Variants in PCDH15 observed in about 807,000 individuals in gnomAD.
The protein encoded by PCDH15 is protocadherin related 15.
A neutral mutation model predicts 178.5 loss-of-function variants in PCDH15; 129 were observed. That is an observed-to-expected ratio of 0.72 (90% CI 0.63 to 0.84). The LOEUF (loss-of-function observed/expected upper bound fraction) is 0.84. Ranked by LOEUF, PCDH15 falls within the 40% of genes least tolerant of loss-of-function variation. The probability of loss-of-function intolerance (pLI) is 0.00; values close to 1 mark genes in which losing one functional copy is unlikely to be tolerated. For missense variants in PCDH15, 2,230 were observed against 2,099.9 expected, an observed-to-expected ratio of 1.06 and a Z score of -1.21; for synonymous variants, 800 against 732.0, an observed-to-expected ratio of 1.09 and a Z score of -1.50.
chr10:54,589,057 T>G (rs2133906338), intron 2 of PCDH15, among the ~76,000 whole-genome samples: 1 of 152,326 alleles, frequency 6.6e-6, no homozygotes, highest in African/African-American at 2.4e-5. Context: ...TTTTTGCTTT[T>G]TTTTAAGGAG....
chr10:54,336,501 T>C (rs113169437), intron 6 of PCDH15, among the ~76,000 whole-genome samples: 31 of 152,252 alleles, frequency 2.0e-4, no homozygotes, highest in African/African-American at 7.5e-4. Flanking sequence ...GCTCCAGCCA[T>C]GGCTATAAGG....
chr10:53,980,526 T>C lies in PCDH15; in HGVS notation c.2868+15123A>G, dbSNP rs189407594. Among the ~76,000 whole-genome samples the C allele has an allele frequency of 1.2e-3, 190 of 152,280 alleles. 1 individual carries two copies. Among genetic ancestry groups the C allele is most frequent in the African/African-American group, 4.4e-3 (184 of 41,560 alleles). ...TTACAGTTGATGAGGATGTAAGCAC[T>C]GTACCAAACTAGATGCAAAGTTGTG... On this transcript the variant is annotated intron_variant, in intron 21 of 37. Coordinates refer to ENST00000644397, the MANE Select transcript of PCDH15 (RefSeq NM_001384140.1).
intron 2 of PCDH15, among the ~76,000 whole-genome samples, chr10:55,098,969 C>T (rs1432646630): frequency 6.9e-6 from 1 of 145,432 alleles, no homozygotes; most frequent in East Asian, 2.0e-4. Context: ...CCTATTAAAC[C>T]TCTGCTCCTA....
At chr10:54,259,390 T>G (rs2057152034) in intron 8 of PCDH15, among the ~76,000 whole-genome samples, 1 of 152,068 alleles carries the variant, frequency 6.6e-6, no homozygotes, top group Admixed American at 6.5e-5. Context: ...GGTGGCAGTA[T>G]AAAACAGTCT....
chr10:54,875,393 T>C (rs550863723), intron 3 of PCDH15, among the ~76,000 whole-genome samples: 93 of 152,240 alleles, frequency 6.1e-4, no homozygotes, highest in African/African-American at 2.1e-3. Flanking sequence ...GGCCAGTTAA[T>C]TACCTTACAG....
chr10:55,285,677 T>C (rs939449279), intron 1 of PCDH15, among the ~76,000 whole-genome samples: 2 of 151,788 alleles, frequency 1.3e-5, no homozygotes, highest in African/African-American at 2.4e-5. Context: ...ATATGAAACG[T>C]AAGTTCTCAA....
intron 2 of PCDH15, among the ~76,000 whole-genome samples, chr10:55,590,411 A>G (rs1311481608): frequency 6.6e-6 from 1 of 151,950 alleles, no homozygotes; most frequent in African/African-American, 2.4e-5. Context: ...ATGTATACAT[A>G]TGTAACTAAC....
At chr10:55,446,311 G>GTATATA (rs144192137) in intron 2 of PCDH15, among the ~76,000 whole-genome samples, 4,582 of 149,126 alleles carry the variant, frequency 0.031, 86 homozygotes, top group East Asian at 0.048. Context: ...ATAGATATGT[G>GTATATA]TATATATATA....
intron 2 of PCDH15, among the ~76,000 whole-genome samples, chr10:54,943,106 T>A (rs1838104380): frequency 6.6e-6 from 1 of 152,034 alleles, no homozygotes; most frequent in South Asian, 2.1e-4. Flanking sequence ...CATTTATTTA[T>A]TCTTACAATT....
At chr10:54,370,685 T>C (rs1013667480) in intron 4 of PCDH15, among the ~76,000 whole-genome samples, 2 of 152,072 alleles carry the variant, frequency 1.3e-5, no homozygotes, top group Middle Eastern at 3.4e-3. Context: ...TAGACTATAC[T>C]AGGCATATGT....
At chr10:55,151,815 C>G (rs778033345) in intron 2 of PCDH15, among the ~76,000 whole-genome samples, 2 of 151,914 alleles carry the variant, frequency 1.3e-5, no homozygotes, top group Non-Finnish European at 2.9e-5. Flanking sequence ...AGCCATGATT[C>G]CAATTCTCAA....
At chr10:54,780,362 T>C (rs1950237551) in intron 1 of PCDH15, among the ~76,000 whole-genome samples, 1 of 152,212 alleles carries the variant, frequency 6.6e-6, no homozygotes, top group Non-Finnish European at 1.5e-5. Context: ...TGGTGAGAGA[T>C]GTCAGCATTA....
chr10:54,487,674 T>C (rs887271518), intron 3 of PCDH15, among the ~76,000 whole-genome samples: 2 of 151,994 alleles, frequency 1.3e-5, no homozygotes, highest in Non-Finnish European at 1.5e-5. Flanking sequence ...ATCTATCAAT[T>C]ACTTCTAAAG....
chr10:55,409,540 G>A (rs534163604), intron 2 of PCDH15, among the ~76,000 whole-genome samples: 2 of 151,938 alleles, frequency 1.3e-5, no homozygotes, highest in African/African-American at 2.4e-5. Context: ...TATTCAACAC[G>A]CCAGCCAAAA....
At chr10:54,557,544 T>A (rs2087463086) in intron 2 of PCDH15, among the ~76,000 whole-genome samples, 1 of 152,170 alleles carries the variant, frequency 6.6e-6, no homozygotes, top group South Asian at 2.1e-4. Context: ...TGTCTTTAAA[T>A]CATACTATCT....
chr10:55,549,009 G>A (rs1841948815), intron 2 of PCDH15, among the ~76,000 whole-genome samples: 1 of 152,180 alleles, frequency 6.6e-6, no homozygotes, highest in Non-Finnish European at 1.5e-5. Context: ...TACCAAAGCA[G>A]CCACAAATGA....
chr10:54,948,106 A>T (rs1271240116), intron 2 of PCDH15, among the ~76,000 whole-genome samples: 2 of 151,776 alleles, frequency 1.3e-5, no homozygotes, highest in Admixed American at 1.3e-4. Flanking sequence ...TTTATTCTTC[A>T]TAGACTATTT....
At chr10:54,150,217 T>C (rs962410884) in intron 14 of PCDH15, among the ~76,000 whole-genome samples, 3 of 152,078 alleles carry the variant, frequency 2.0e-5, no homozygotes, top group Admixed American at 6.6e-5. Context: ...TTATAATTAT[T>C]TTTTGACACG....
chr10:54,726,989 T>C (rs986128605), intron 1 of PCDH15, among the ~76,000 whole-genome samples: 1 of 147,952 alleles, frequency 6.8e-6, no homozygotes, highest in Non-Finnish European at 1.5e-5. Flanking sequence ...AATATTTTTG[T>C]GGGTATTAAC....
Sources: allele counts gnomAD v4.1 joint callset (sites outside exome capture counted in the v4.1 genomes callset), GRCh38; gene constraint gnomAD v4.1.1; transcripts MANE v1.5; gene names NCBI Gene and HGNC (gene_info 2026-07-23, HGNC 2026-07-21).